Variants in ZDHHC21 observed in about 807,000 individuals in gnomAD.
ZDHHC21 encodes the protein zDHHC palmitoyltransferase 21.
A neutral mutation model predicts 34.6 loss-of-function variants in ZDHHC21; 15 were observed. The observed-to-expected ratio is 0.43, with a 90% CI of 0.29 to 0.67. The LOEUF is 0.67. Ranked by LOEUF, ZDHHC21 falls within the 30% of genes least tolerant of loss-of-function variation. ZDHHC21 has a pLI of 0.14. For synonymous variants in ZDHHC21, 142 were observed against 101.8 expected, an observed-to-expected ratio of 1.40 and a Z score of -2.38; for missense variants, 344 against 327.7, an observed-to-expected ratio of 1.05 and a Z score of -0.38.
chr9:14,620,275 C>A (rs768641814), intron 8 of ZDHHC21, among the ~76,000 whole-genome samples: 7 of 151,752 alleles, frequency 4.6e-5, no homozygotes, highest in African/African-American at 7.3e-5. Flanking sequence ...CTGTAAGGCT[C>A]TAACACAAAT....
intron 7 of ZDHHC21, among the ~76,000 whole-genome samples, chr9:14,648,027 C>A (rs1564285764): frequency 6.6e-6 from 1 of 152,020 alleles, no homozygotes; most frequent in Non-Finnish European, 1.5e-5. Context: ...TCTTTAACTT[C>A]TTCCCAGAAA....
At chr9:14,591,431 T>C in the ZDHHC21 span, among the ~76,000 whole-genome samples, 1 of 152,144 alleles carries the variant, frequency 6.6e-6, no homozygotes, top group Admixed American at 6.5e-5. Context: ...ACACTGAATC[T>C]GCTGGAGCCT....
At chr9:14,603,390 T>A in the ZDHHC21 span, among the ~76,000 whole-genome samples, 1 of 152,138 alleles carries the variant, frequency 6.6e-6, no homozygotes, top group East Asian at 1.9e-4. Flanking sequence ...CCTCCTGAAA[T>A]TTTTAAGATA....
intron 8 of ZDHHC21, among the ~76,000 whole-genome samples, chr9:14,635,056 G>A (rs756347389): frequency 7.2e-5 from 11 of 151,936 alleles, no homozygotes; most frequent in African/African-American, 1.4e-4. Context: ...TCAAAGTTTC[G>A]ATAATAGAAT....
At chr9:14,682,042 A>G (rs1192554234) in intron 2 of ZDHHC21, among the ~76,000 whole-genome samples, 3 of 152,194 alleles carry the variant, frequency 2.0e-5, no homozygotes, top group African/African-American at 7.2e-5. Flanking sequence ...TGAAGGAAGC[A>G]TTAAACATGG....
chr9:14,681,694 G>C (rs1022284724), intron 2 of ZDHHC21, among the ~76,000 whole-genome samples: 2 of 151,524 alleles, frequency 1.3e-5, no homozygotes, highest in African/African-American at 4.9e-5. Context: ...GGCACATGGA[G>C]TAAGCACCCC....
chr9:14,624,171 C>T (rs781265593), intron 8 of ZDHHC21, among the ~76,000 whole-genome samples: 6 of 151,914 alleles, frequency 3.9e-5, no homozygotes, highest in African/African-American at 9.7e-5. Context: ...TACGTTGTAT[C>T]GGGTATTATA....
Position 14,618,906 on chromosome 9 carries a change from C to G in ZDHHC21, c.*60G>C, listed in dbSNP as rs1394883963. On this transcript the variant is annotated 3_prime_UTR_variant, in exon 10 of 10. Transcript: ENST00000380916. ...TTGAAGACTGTCATAGTTCTATTATCATAAAACCTGTAACGCATTGCCAGC... is the reference window on the plus strand; with the variant it reads ...TTGAAGACTGTCATAGTTCTATTATGATAAAACCTGTAACGCATTGCCAGC... 1.3e-6 allele frequency: 2 copies of G among 1,492,872 alleles called. No homozygotes were observed. The highest frequency in any genetic ancestry group is 2.8e-5 in the African/African-American group (2 of 70,740). The allele number at this position is 1,492,872 out of a possible 1,614,324, so 92.5% of individuals were successfully genotyped here.
At chr9:14,651,108 G>A (rs1831163065) in intron 7 of ZDHHC21, among the ~76,000 whole-genome samples, 1 of 151,726 alleles carries the variant, frequency 6.6e-6, no homozygotes, top group South Asian at 2.1e-4. Flanking sequence ...CTCATGTAGA[G>A]AAATAGTAAA....
intron 5 of ZDHHC21, among the ~76,000 whole-genome samples, chr9:14,667,615 A>G (rs1834703602): frequency 4.3e-5 from 4 of 93,328 alleles, no homozygotes; most frequent in African/African-American, 1.8e-4. Context: ...AATACTGGCA[A>G]ACCGAATCCA....
At chr9:14,685,354 C>T (rs528509305) in intron 2 of ZDHHC21, among the ~76,000 whole-genome samples, 3 of 151,630 alleles carry the variant, frequency 2.0e-5, no homozygotes, top group South Asian at 2.1e-4. Flanking sequence ...AACAAATTTA[C>T]AAGAAAAAAA....
chr9:14,601,314 A>G, the ZDHHC21 span, among the ~76,000 whole-genome samples: 1 of 152,140 alleles, frequency 6.6e-6, no homozygotes, highest in African/African-American at 2.4e-5. Context: ...GAAAAAAACA[A>G]CCCCATCAAA....
intron 3 of ZDHHC21, among the ~76,000 whole-genome samples, chr9:14,677,984 TAC>T (rs558472570): frequency 8.0e-4 from 122 of 152,234 alleles, no homozygotes; most frequent in African/African-American, 2.7e-3. Flanking sequence ...TGTCTATGCT[TAC>T]AGTTTTACGT....
intron 7 of ZDHHC21, among the ~76,000 whole-genome samples, chr9:14,654,220 G>C (rs976644848): frequency 2.0e-5 from 3 of 151,982 alleles, no homozygotes; most frequent in Non-Finnish European, 2.9e-5. Context: ...ATTGAAACTA[G>C]TCTTTCACAA....
At chr9:14,644,745 T>G (rs1008751120) in intron 7 of ZDHHC21, among the ~76,000 whole-genome samples, 1 of 151,982 alleles carries the variant, frequency 6.6e-6, no homozygotes, top group Admixed American at 6.6e-5. Context: ...TTTGATCAGG[T>G]TGCTTATATA....
intron 7 of ZDHHC21, among the ~76,000 whole-genome samples, chr9:14,656,644 G>T (rs905643462): frequency 6.6e-6 from 1 of 151,800 alleles, no homozygotes; most frequent in African/African-American, 2.4e-5. Flanking sequence ...TAAGACTTAG[G>T]CTAAGAGAAC....
At chr9:14,670,636 T>C (rs957404734) in intron 5 of ZDHHC21, among the ~76,000 whole-genome samples, 4 of 152,102 alleles carry the variant, frequency 2.6e-5, no homozygotes, top group Non-Finnish European at 5.9e-5. Context: ...GGACCATAAA[T>C]TGATTTAAAG....
chr9:14,681,070 T>C (rs76676756), intron 2 of ZDHHC21, among the ~76,000 whole-genome samples: 3 of 152,154 alleles, frequency 2.0e-5, no homozygotes, highest in East Asian at 3.9e-4. Context: ...GCATACAGAA[T>C]GGGGTAAGAT....
In ZDHHC21 at chr9:14,618,852, C is replaced by G; in HGVS notation, c.*114G>C. ...TAAAGCCTGGGGCACATTATGATGC[C>G]TAAGACTGGTGGGTGGATTTTAATT... On this transcript the variant is annotated 3_prime_UTR_variant, in exon 10 of 10. Transcript: ENST00000380916. 8.0e-7 allele frequency: 1 copy of G among 1,245,428 alleles called. No individual in the cohort carries two copies. The highest frequency in any genetic ancestry group is 1.1e-6 in the Non-Finnish European group (1 of 939,438). The allele number at this position is 1,245,428 out of a possible 1,614,324, so 77.1% of individuals were successfully genotyped here. A position where few individuals can be genotyped will look rare whatever the true frequency, so the allele number is the denominator to read the frequency against.
Sources: gnomAD v4.1 joint callset for allele counts (sites outside exome capture counted in the v4.1 genomes callset) on GRCh38, gnomAD v4.1.1 for gene constraint, MANE v1.5 for transcripts, NCBI Gene and HGNC (gene_info 2026-07-23, HGNC 2026-07-21) for gene names.